The following CUL5 variants were observed in gnomAD, a reference collection of about 807,000 sequenced individuals.
The protein encoded by CUL5 is cullin 5, also known as cullin-5.
CUL5 carries 26 observed loss-of-function variants against 108.8 expected under a neutral mutation model. That is an observed-to-expected ratio of 0.24 (90% CI 0.18 to 0.33). The LOEUF is 0.33. CUL5 is among the 10% of genes least tolerant of loss of function. The probability of loss-of-function intolerance (pLI) is 1.00; values close to 1 mark genes in which losing one functional copy is unlikely to be tolerated. For synonymous variants in CUL5, 334 were observed against 298.0 expected, an observed-to-expected ratio of 1.12 and a Z score of -1.25; for missense variants, 524 against 909.2, an observed-to-expected ratio of 0.58 and a Z score of 5.45.
At chr11:108,011,835 C>G (rs1242345987) in intron 1 of CUL5, among the ~76,000 whole-genome samples, 11 of 152,198 alleles carry the variant, frequency 7.2e-5, no homozygotes, top group East Asian at 3.9e-4. Flanking sequence ...ACCATGTTGG[C>G]TAGGATGGTC....
intron 11 of CUL5, among the ~76,000 whole-genome samples, chr11:108,079,188 T>G (rs1253125654): frequency 6.6e-6 from 1 of 152,066 alleles, no homozygotes; most frequent in African/African-American, 2.4e-5. Flanking sequence ...ACTGCAACCT[T>G]TACCTCCCGG....
At chr11:108,100,719 A>T (rs1864638306) in intron 18 of CUL5, among the ~76,000 whole-genome samples, 1 of 151,968 alleles carries the variant, frequency 6.6e-6, no homozygotes, top group South Asian at 2.1e-4. Flanking sequence ...CTATGCCAGG[A>T]TAAACTCCTG....
At chr11:108,065,292 G>A (rs149611823) in intron 7 of CUL5, among the ~76,000 whole-genome samples, 270 of 152,180 alleles carry the variant, frequency 1.8e-3, no homozygotes, top group African/African-American at 6.5e-3. Flanking sequence ...CAAAGTGCTG[G>A]GATTACAGGC....
At chr11:108,021,516 AC>A (rs1245019785) in intron 1 of CUL5, among the ~76,000 whole-genome samples, 1 of 152,040 alleles carries the variant, frequency 6.6e-6, no homozygotes, top group Non-Finnish European at 1.5e-5. Context: ...ACAGGGTCTT[AC>A]TCTGTCACTC....
At chr11:108,028,712 T>A (rs1862507408) in intron 1 of CUL5, among the ~76,000 whole-genome samples, 1 of 152,046 alleles carries the variant, frequency 6.6e-6, no homozygotes, top group Non-Finnish European at 1.5e-5. Flanking sequence ...GGTGCACACC[T>A]GTAATCCCAG....
Position 108,033,815 on chromosome 11 carries a change from T to G in CUL5, c.38T>G (p.Leu13Arg). Reference sequence around the variant, plus strand: ...TTTTTTTTCAAGAATAAAGGTTCTCTTCAGTTTGAAGACAAATGGGATTTT... The same window carrying G: ...TTTTTTTTCAAGAATAAAGGTTCTCGTCAGTTTGAAGACAAATGGGATTTT... ...TSNLLKNKGS[L>R]QFEDKWDFMR... Residue 13 changes from leucine (L) to arginine (R), a missense_variant, in exon 2 of 19, where the codon CTT becomes CGT. By Grantham distance (102) the Leu-to-Arg change is moderately radical. This residue lies in a region of CUL5 where 76 missense variants were observed against 90.8 expected (regional missense o/e 0.84). Transcript: ENST00000393094. 1 of 1,601,608 alleles carries G rather than the reference T, an allele frequency of 6.2e-7. No homozygotes were observed. Among genetic ancestry groups the G allele is most frequent in the Non-Finnish European group, 8.5e-7 (1 of 1,172,272 alleles).
intron 2 of CUL5, among the ~76,000 whole-genome samples, chr11:108,044,089 T>A (rs977828814): frequency 6.6e-6 from 1 of 152,194 alleles, no homozygotes; most frequent in African/African-American, 2.4e-5. Flanking sequence ...TATATTGTTA[T>A]TTAACAAATA....
intron 1 of CUL5, among the ~76,000 whole-genome samples, chr11:108,018,158 G>A (rs1043551965): frequency 9.2e-5 from 14 of 152,306 alleles, no homozygotes; most frequent in Non-Finnish European, 1.8e-4. Context: ...GGCCTGAGGT[G>A]GCATTGGAGC....
chr11:108,047,266 G>A (rs1289861073), intron 3 of CUL5, among the ~76,000 whole-genome samples: 2 of 152,086 alleles, frequency 1.3e-5, no homozygotes, highest in Admixed American at 6.6e-5. Context: ...GCCGTGAGCC[G>A]TGATCATGCC....
At chr11:108,098,560 T>A in intron 18 of CUL5, 31 bp downstream of exon 18, 1 of 1,421,918 alleles carries the variant, frequency 7.0e-7, no homozygotes, top group Non-Finnish European at 9.2e-7. Flanking sequence ...GTCTGAAGTT[T>A]AAAAAAACTT....
intron 7 of CUL5, among the ~76,000 whole-genome samples, chr11:108,066,612 G>A (rs1033670660): frequency 6.6e-6 from 1 of 151,976 alleles, no homozygotes; most frequent in Non-Finnish European, 1.5e-5. Context: ...AGATCATCTA[G>A]CCTTCATCAG....
intron 8 of CUL5, among the ~76,000 whole-genome samples, chr11:108,070,787 TC>T (rs1863802398): frequency 6.6e-6 from 1 of 152,230 alleles, no homozygotes; most frequent in Non-Finnish European, 1.5e-5. Flanking sequence ...CTACTGAGTT[TC>T]CAGGTTTTAT....
rs190623126 is a variant in CUL5, at chr11:108,014,961, C to T, written c.24+5589C>T. ...TTGCCCAGGCTGGAGTGCAGTGGCA[C>T]GATCTTGGCTCACTGCAACCTCCAC... On this transcript the variant is annotated intron_variant, in intron 1 of 18. Transcript: ENST00000393094. 3.9e-4 allele frequency among the ~76,000 whole-genome samples: 59 copies of T among 152,192 alleles called. No homozygotes were observed. The East Asian group carries it at 9.9e-3, about 25-fold the overall frequency.
intron 1 of CUL5, among the ~76,000 whole-genome samples, chr11:108,020,313 C>G (rs1862297386): frequency 6.6e-6 from 1 of 152,050 alleles, no homozygotes; most frequent in African/African-American, 2.4e-5. Flanking sequence ...GATGACAGCC[C>G]CATTCAGGTT....
chr11:108,049,293 A>G (rs949404473), intron 3 of CUL5, among the ~76,000 whole-genome samples: 13 of 150,156 alleles, frequency 8.7e-5, no homozygotes, highest in South Asian at 4.3e-4. Flanking sequence ...AATAATATCT[A>G]TTGTTTGGAT....
intron 1 of CUL5, among the ~76,000 whole-genome samples, chr11:108,011,034 A>G (rs551352642): frequency 6.6e-6 from 1 of 152,340 alleles, no homozygotes; most frequent in African/African-American, 2.4e-5. Flanking sequence ...TTTATTTCTG[A>G]AGACTCCTAT....
intron 1 of CUL5, among the ~76,000 whole-genome samples, chr11:108,019,263 A>G (rs1591273688): frequency 6.6e-6 from 1 of 152,292 alleles, no homozygotes; most frequent in East Asian, 1.9e-4. Context: ...GGACAACTGT[A>G]CAGTAGTTTG....
chr11:108,061,380 C>G (rs1054838668), intron 7 of CUL5, among the ~76,000 whole-genome samples: 1 of 152,042 alleles, frequency 6.6e-6, no homozygotes. Flanking sequence ...TAGCAATCTC[C>G]CTACTTTTTG....
intron 11 of CUL5, among the ~76,000 whole-genome samples, chr11:108,082,881 C>T (rs1412955887): frequency 6.6e-6 from 1 of 152,048 alleles, no homozygotes; most frequent in Non-Finnish European, 1.5e-5. Flanking sequence ...CCTGCCTCTG[C>T]CTCTCAAAGT....
Sources: gnomAD v4.1 joint callset for allele counts (sites outside exome capture counted in the v4.1 genomes callset) on GRCh38, gnomAD v4.1.1 for gene constraint, gnomAD v4.1.1 regional missense constraint, MANE v1.5 for transcripts, NCBI Gene and HGNC (gene_info 2026-07-23, HGNC 2026-07-21) for gene names.